Variants in AFF1 observed in about 807,000 individuals in gnomAD.
AFF1 encodes AF4/FMR2 family member 1.
Under a neutral mutation model 121.7 loss-of-function variants are expected in AFF1, and 48 were observed. The ratio of observed to expected loss-of-function variants is 0.39; its 90% CI spans 0.31 to 0.50. The LOEUF (loss-of-function observed/expected upper bound fraction) is 0.50. Ranked by LOEUF, AFF1 falls within the 20% of genes least tolerant of loss-of-function variation. AFF1 has a pLI of 0.76. For missense variants in AFF1, 1,523 were observed against 1,511.7 expected (o/e 1.01, Z -0.12); for synonymous variants, 613 against 563.0 (o/e 1.09, Z -1.26).
At position 87,136,696 on chromosome 4, in the gene AFF1, T is replaced by C. The variant is rs540759920; in HGVS notation, c.*995T>C. On this transcript the variant is annotated 3_prime_UTR_variant, in exon 21 of 21. Coordinates refer to ENST00000395146, the MANE Select transcript of AFF1 (RefSeq NM_001166693.3). ...GGTGCTGATCTGTGGTCTACAGTTA[T>C]GTGGTAACTCATGTTGTCCAGCCAA... 6.5e-5 allele frequency: 15 copies of C among 229,764 alleles called. No individual in the cohort carries two copies. In the South Asian group the frequency reaches 2.7e-3, roughly 42 times the overall value. 14.2% of individuals were successfully genotyped at this position (229,764 alleles called of 1,614,324 possible).
In AFF1 at chr4:87,046,164, A is replaced by G. The variant is rs373766344; in HGVS notation, c.39-2A>G. 5.6e-6 allele frequency: 9 copies of G among 1,611,844 alleles called. No homozygotes were observed. In the African/African-American group the frequency reaches 8.0e-5, roughly 14 times the overall value. On this transcript the variant is annotated splice_acceptor_variant, in intron 2 of 20. Transcript: ENST00000395146. LOFTEE classifies it high-confidence loss of function. ...TTCATTCTTTTGTGGCATCTGAAAC[A>G]GTTTGTACAATGACGACAGAAACCT...
At position 87,114,440 on chromosome 4, in the gene AFF1, C is replaced by T. The variant is rs1240890801; in HGVS notation, c.1607C>T (p.Pro536Leu). 2 of 1,613,200 alleles carry T rather than the reference C, an allele frequency of 1.2e-6. No individual in the cohort carries two copies. The highest frequency in any genetic ancestry group is 2.7e-5 in the African/African-American group (2 of 74,926). Residue 536 changes from proline (P) to leucine (L), a missense_variant, in exon 12 of 21, where the codon CCA becomes CTA. Pro to Leu is a moderately conservative substitution (Grantham distance 98). This residue lies in a region of AFF1 where 905 missense variants were observed against 842.5 expected (regional missense o/e 1.07). Coordinates refer to ENST00000395146, the MANE Select transcript of AFF1 (RefSeq NM_001166693.3). Reference sequence around the variant, plus strand: ...AAAGTCAGCCAGCCAGCTGCGCCACCAGAGGGCCCCAGGAGCACAGAGCCC... The same window carrying T: ...AAAGTCAGCCAGCCAGCTGCGCCACTAGAGGGCCCCAGGAGCACAGAGCCC... ...LTKVSQPAAPPEGPRSTEPPR... is the reference protein window; with the variant it reads ...LTKVSQPAAPLEGPRSTEPPR...
intron 2 of AFF1, among the ~76,000 whole-genome samples, chr4:87,045,583 C>T (rs1024565569): frequency 5.9e-5 from 9 of 151,922 alleles, no homozygotes; most frequent in African/African-American, 1.9e-4. Flanking sequence ...TCATCCTTGA[C>T]GTTTGAAATG....
chr4:87,016,152 G>T (rs1034256590), intron 2 of AFF1, among the ~76,000 whole-genome samples: 22 of 152,118 alleles, frequency 1.4e-4, no homozygotes, highest in Admixed American at 1.0e-3. Context: ...TTGCACTCCA[G>T]CCTGGGCGAT....
chr4:87,105,474 A>G (rs1275820141), intron 8 of AFF1, among the ~76,000 whole-genome samples, 154 bp from the exon 9 acceptor site: 1 of 152,234 alleles, frequency 6.6e-6, no homozygotes, highest in African/African-American at 2.4e-5. Context: ...TGTAAAACTT[A>G]ACATTTTCAG....
At chr4:87,016,699 C>T (rs995239534) in intron 2 of AFF1, among the ~76,000 whole-genome samples, 1 of 152,156 alleles carries the variant, frequency 6.6e-6, no homozygotes, top group Non-Finnish European at 1.5e-5. Flanking sequence ...GGTAAGATCC[C>T]TCCTGCCCAT....
chr4:87,100,905 A>T (rs1311843342), intron 8 of AFF1, among the ~76,000 whole-genome samples: 1 of 152,150 alleles, frequency 6.6e-6, no homozygotes, highest in Non-Finnish European at 1.5e-5. Context: ...TCCTTATTTG[A>T]CATCAGATAA....
At chr4:87,040,017 A>C (rs1443091467) in intron 2 of AFF1, among the ~76,000 whole-genome samples, 1 of 151,926 alleles carries the variant, frequency 6.6e-6, no homozygotes, top group Non-Finnish European at 1.5e-5. Flanking sequence ...TCAGCCTCCC[A>C]AGTAGCTGGG....
chr4:86,977,836 G>A (rs1723421658), intron 2 of AFF1, among the ~76,000 whole-genome samples: 1 of 152,162 alleles, frequency 6.6e-6, no homozygotes, highest in African/African-American at 2.4e-5. Flanking sequence ...CTGGAGAAAG[G>A]TCCTCCCATA....
At chr4:87,039,580 C>T (rs1729901223) in intron 2 of AFF1, among the ~76,000 whole-genome samples, 1 of 152,194 alleles carries the variant, frequency 6.6e-6, no homozygotes, top group Non-Finnish European at 1.5e-5. Context: ...ACTGATCTCA[C>T]CAGGCACTGG....
chr4:87,065,547 A>G (rs1334776295), intron 4 of AFF1, among the ~76,000 whole-genome samples: 1 of 151,890 alleles, frequency 6.6e-6, no homozygotes, highest in Non-Finnish European at 1.5e-5. Context: ...AAACTGATCT[A>G]AAAAAATAGT....
At chr4:87,079,899 G>A (rs1560605125) in intron 4 of AFF1, among the ~76,000 whole-genome samples, 1 of 152,004 alleles carries the variant, frequency 6.6e-6, no homozygotes, top group Non-Finnish European at 1.5e-5. Flanking sequence ...ACAGTTGATG[G>A]GTACATTTAG....
intron 2 of AFF1, among the ~76,000 whole-genome samples, chr4:86,965,692 T>A (rs1722488874): frequency 6.6e-6 from 1 of 152,228 alleles, no homozygotes; most frequent in Admixed American, 6.5e-5. Context: ...GTCAGTCTGC[T>A]GGTTGAGGCT....
At chr4:86,990,166 TATAATAATA>T (rs35076194) in intron 2 of AFF1, among the ~76,000 whole-genome samples, 47 of 148,202 alleles carry the variant, frequency 3.2e-4, no homozygotes, top group Admixed American at 1.9e-3. Context: ...GAACTTAAAT[TATAATAATA>T]ATAATAATAA....
In AFF1 at chr4:87,114,747, C is replaced by G. The variant is rs376635201; in HGVS notation, c.1914C>G (p.Pro638=). Reference sequence around the variant, plus strand: ...GGGAAAGGGAGCCAGGGCTTCTTCCCTATGGCTCCCGAGACCAGACTTCCA... The same window carrying G: ...GGGAAAGGGAGCCAGGGCTTCTTCCGTATGGCTCCCGAGACCAGACTTCCA... ...LQGEREPGLL[P]YGSRDQTSKD... is the part of the protein sequence containing the mutation. The change falls in exon 12 of 21, where the codon CCC becomes CCG. Residue 638 remains proline (P), a synonymous_variant. Transcript: ENST00000395146. 7 of 1,613,666 alleles carry G rather than the reference C, an allele frequency of 4.3e-6. No individual in the cohort carries two copies. In the African/African-American group the frequency reaches 5.3e-5, roughly 12 times the overall value.
intron 2 of AFF1, among the ~76,000 whole-genome samples, chr4:87,017,463 T>C (rs1727421458): frequency 1.3e-5 from 2 of 152,164 alleles, no homozygotes; most frequent in South Asian, 4.1e-4. Flanking sequence ...TCGAGGAATG[T>C]TTAAAGAAAG....
At chr4:86,968,566 C>T (rs1289109446) in intron 2 of AFF1, among the ~76,000 whole-genome samples, 3 of 152,188 alleles carry the variant, frequency 2.0e-5, no homozygotes, top group Non-Finnish European at 2.9e-5. Context: ...TGTGACCTTA[C>T]ATAGGGGTCT....
intron 2 of AFF1, chr4:86,973,764 C>A (rs1434444358): frequency 6.9e-6 from 1 of 145,738 alleles, no homozygotes; most frequent in South Asian, 2.2e-4. Context: ...TCTTTTTTTT[C>A]TTTTCTTCCT....
At chr4:86,992,548 G>A (rs1387068201) in intron 2 of AFF1, among the ~76,000 whole-genome samples, 1 of 152,096 alleles carries the variant, frequency 6.6e-6, no homozygotes, top group Admixed American at 6.6e-5. Context: ...AAGTTGTTAA[G>A]CGTTTTAAGG....
Sources: allele counts gnomAD v4.1 joint callset (sites outside exome capture counted in the v4.1 genomes callset), GRCh38; gene constraint gnomAD v4.1.1; regional missense constraint gnomAD v4.1.1; transcripts MANE v1.5; gene names NCBI Gene and HGNC (gene_info 2026-07-23, HGNC 2026-07-21).